IGDCC3: variants seen among roughly 807,000 people sequenced by gnomAD.
The protein encoded by IGDCC3 is putative neuronal cell adhesion molecule.
Under a neutral mutation model 72.0 loss-of-function variants are expected in IGDCC3, and 47 were observed. The ratio of observed to expected loss-of-function variants is 0.65; its 90% CI spans 0.52 to 0.83. The LOEUF (loss-of-function observed/expected upper bound fraction) is 0.83, where lower values mean the gene tolerates loss of function less well. Among genes scored for constraint, IGDCC3 ranks in the 40% least tolerant of loss-of-function variants. The probability of loss-of-function intolerance (pLI) is 0.00; values close to 1 mark genes in which losing one functional copy is unlikely to be tolerated. For missense variants in IGDCC3, 1,038 were observed against 1,091.3 expected (o/e 0.95, Z 0.69); for synonymous variants, 477 against 472.8 (o/e 1.01, Z -0.11).
Position 65,330,696 on chromosome 15 carries a change from G to A in IGDCC3, c.1607C>T (p.Ser536Phe). Residue 536 changes from serine to phenylalanine, a missense_variant, in exon 10 of 14, where the codon TCC (serine) becomes TTC (phenylalanine). Transcript: ENST00000327987. The part of the protein sequence containing the change: ...PLSVRVLGSS[S>F]LQLLWEPWPR... ...CCAAGGCTCCCACAGCAGCTGCAAG[G>A]AGGAGCTGCCCAGGACTCGCACTGA... The A allele has an allele frequency of 1.2e-6, 2 of 1,613,156 alleles. No individual in the cohort carries two copies. Among genetic ancestry groups the A allele is most frequent in the Non-Finnish European group, 1.7e-6 (2 of 1,179,590 alleles).
intron 2 of IGDCC3, among the ~76,000 whole-genome samples, chr15:65,336,962 G>A (rs34167008): frequency 0.012 from 1,805 of 152,252 alleles, 12 homozygotes; most frequent in Non-Finnish European, 0.019. Flanking sequence ...GCAGCCCCTC[G>A]TCTCAGGCAC....
Position 65,330,390 on chromosome 15 carries a change from A to C in IGDCC3, c.1761T>G (p.Thr587=). The change falls in exon 11 of 14, where the codon ACT becomes ACG. Residue 587 remains threonine (T), a synonymous_variant. Coordinates refer to ENST00000327987, the MANE Select transcript of IGDCC3 (RefSeq NM_004884.4). ...CGAGCAGCTTCACCTCATACACTGC[A>C]GTGGGGTCTGGAGGAAGGCAGGGCG... is the stretch of plus-strand genomic sequence containing the variant. ...SSYNLSQLDP[T]AVYEVKLLAY... is the part of the protein sequence containing the mutation. 4 of 1,613,042 alleles carry C rather than the reference A, an allele frequency of 2.5e-6. No homozygotes were observed. The highest frequency in any genetic ancestry group is 3.4e-6 in the Non-Finnish European group (4 of 1,179,230).
intron 2 of IGDCC3, chr15:65,355,668 G>GCCCCCCCCC: frequency 8.9e-6 from 1 of 112,988 alleles, no homozygotes; most frequent in South Asian, 4.7e-5. Flanking sequence ...CCGCCCCCCC[G>GCCCCCCCCC]CCCCTCCCGC....
In IGDCC3 at chr15:65,330,169, G is replaced by A. The variant is rs563202930; in HGVS notation, c.1858+124C>T. 5.2e-6 allele frequency: 4 copies of A among 769,624 alleles called. No individual in the cohort carries two copies. The East Asian group carries it at 7.4e-5, about 14-fold the overall frequency. 47.7% of individuals were successfully genotyped at this position (769,624 alleles called of 1,614,324 possible). A position where few individuals can be genotyped will look rare whatever the true frequency, so the allele number is the denominator to read the frequency against. ...TTGACCAAGGTCACACAGCCAGCAT[G>A]TGCATGGCCAAGCTTCAAACTGTGG... On this transcript the variant is annotated intron_variant, in intron 11 of 13. Transcript: ENST00000327987.
intron 2 of IGDCC3, among the ~76,000 whole-genome samples, chr15:65,353,951 G>A (rs1238137507): frequency 6.6e-6 from 1 of 151,998 alleles, no homozygotes; most frequent in Admixed American, 6.6e-5. Flanking sequence ...CATCACCCAG[G>A]CTGGAGTGCA....
chr15:65,348,610 T>TA (rs1480932159), intron 2 of IGDCC3, among the ~76,000 whole-genome samples: 2 of 152,070 alleles, frequency 1.3e-5, no homozygotes, highest in East Asian at 1.9e-4. Context: ...TTCGGGGAGT[T>TA]AGAGTCTCTC....
intron 2 of IGDCC3, among the ~76,000 whole-genome samples, chr15:65,340,132 G>T (rs1595753855): frequency 6.6e-6 from 1 of 152,174 alleles, no homozygotes; most frequent in South Asian, 2.1e-4. Context: ...AAACAGGAAG[G>T]AAACAGTTCC....
intron 2 of IGDCC3, among the ~76,000 whole-genome samples, chr15:65,336,321 C>T (rs2091029169): frequency 1.3e-5 from 2 of 149,874 alleles, no homozygotes; most frequent in South Asian, 4.3e-4. Flanking sequence ...TCCCGAGCCC[C>T]ACACCCCACT....
intron 2 of IGDCC3, among the ~76,000 whole-genome samples, chr15:65,361,102 C>A (rs2091257257): frequency 6.6e-6 from 1 of 152,054 alleles, no homozygotes; most frequent in African/African-American, 2.4e-5. Context: ...AAGATTTGCC[C>A]ATAAACTTTT....
chr15:65,370,726 T>C (rs985702017), intron 2 of IGDCC3, among the ~76,000 whole-genome samples: 15 of 150,012 alleles, frequency 1.0e-4, no homozygotes, highest in African/African-American at 2.9e-4. Flanking sequence ...TTATCATAGG[T>C]AATCTTCACA....
In IGDCC3 at chr15:65,329,950, C is replaced by T. The variant is rs1388688523; in HGVS notation, c.1859-86G>A. The T allele has an allele frequency of 4.9e-6, 7 of 1,432,624 alleles. No individual in the cohort carries two copies. The highest frequency in any genetic ancestry group is 3.5e-5 in the Admixed American group (2 of 57,216). 88.7% of individuals were successfully genotyped at this position (1,432,624 alleles called of 1,614,324 possible). ...CAGCCTCTGGGGACTCCTCTTCCTT[C>T]AGCTGCTCCCACTCCCAAGTGGGAG... On this transcript the variant is annotated intron_variant, in intron 11 of 13. Transcript: ENST00000327987. This position sits in a 1 kb window ranked among gnomAD's most constrained non-coding sequence, Gnocchi z 4.1.
chr15:65,368,308 A>AG (rs763356064), intron 2 of IGDCC3, among the ~76,000 whole-genome samples: 4 of 128,446 alleles, frequency 3.1e-5, no homozygotes, highest in East Asian at 2.3e-4. Context: ...CAGAGGGTTA[A>AG]GGGGGGCTGG....
At chr15:65,367,165 G>A (rs1899488) in intron 2 of IGDCC3, among the ~76,000 whole-genome samples, 22,378 of 152,018 alleles carry the variant, frequency 0.15, 3,298 homozygotes, top group African/African-American at 0.36. Flanking sequence ...CCAACATGGT[G>A]AAACCCCGTC....
chr15:65,355,761 T>G (rs764451164), intron 2 of IGDCC3: 2 of 452,836 alleles, frequency 4.4e-6, no homozygotes, highest in South Asian at 3.1e-5. Flanking sequence ...TCCGGCATTG[T>G]GCGCGGCGAA....
chr15:65,345,480 A>G (rs962124414), intron 2 of IGDCC3, among the ~76,000 whole-genome samples: 2 of 151,970 alleles, frequency 1.3e-5, no homozygotes, highest in Non-Finnish European at 2.9e-5. Flanking sequence ...CTTGAGTCCA[A>G]TAGGTTGAGG....
At chr15:65,353,200 TTTTCC>T (rs1394427490) in intron 2 of IGDCC3, among the ~76,000 whole-genome samples, 2 of 151,870 alleles carry the variant, frequency 1.3e-5, no homozygotes, top group African/African-American at 4.8e-5. Context: ...CTTTTTTTTT[TTTTCC>T]TTCCTTCCTT....
In IGDCC3 at chr15:65,329,260, A is replaced by T; in HGVS notation, c.2206-112T>A. 1 of 1,496,628 alleles carries T rather than the reference A, an allele frequency of 6.7e-7. No individual in the cohort carries two copies. The highest frequency in any genetic ancestry group is 8.9e-7 in the Non-Finnish European group (1 of 1,117,596). 92.7% of individuals were successfully genotyped at this position (1,496,628 alleles called of 1,614,324 possible). A position where few individuals can be genotyped will look rare whatever the true frequency, so the allele number is the denominator to read the frequency against. On this transcript the variant is annotated intron_variant, in intron 13 of 13. Coordinates refer to ENST00000327987, the MANE Select transcript of IGDCC3 (RefSeq NM_004884.4). This position sits in a 1 kb window ranked among gnomAD's most constrained non-coding sequence, Gnocchi z 4.1. Reference sequence around the variant, plus strand: ...AGGTCTCCCTGCCTGACTCAGGGACACAAAGAGAAGACCTGCAGTTTGACT... The same window carrying T: ...AGGTCTCCCTGCCTGACTCAGGGACTCAAAGAGAAGACCTGCAGTTTGACT...
chr15:65,362,219 A>G (rs1322491906), intron 2 of IGDCC3, among the ~76,000 whole-genome samples: 3 of 152,146 alleles, frequency 2.0e-5, no homozygotes, highest in African/African-American at 7.2e-5. Flanking sequence ...GATTTTAGGA[A>G]TGTTTTAATC....
chr15:65,335,703 A>C (rs1595751751), intron 3 of IGDCC3, 109 bp downstream of exon 3: 1 of 1,264,002 alleles, frequency 7.9e-7, no homozygotes, highest in Non-Finnish European at 1.1e-6. Flanking sequence ...TATCTCAGGC[A>C]CCTGTGGGCA....
Sources: allele counts gnomAD v4.1 joint callset (sites outside exome capture counted in the v4.1 genomes callset), GRCh38; gene constraint gnomAD v4.1.1; non-coding constraint Gnocchi (gnomAD v3.1); transcripts MANE v1.5; gene names NCBI Gene and HGNC (gene_info 2026-07-23, HGNC 2026-07-21).